LGALS8: variants seen among roughly 807,000 people sequenced by gnomAD.
The protein encoded by LGALS8 is galectin-8.
A neutral mutation model predicts 35.9 loss-of-function variants in LGALS8; 30 were observed. That is an observed-to-expected ratio of 0.83 (90% CI 0.62 to 1.13). LGALS8 has a LOEUF of 1.13. Ranked by LOEUF, LGALS8 falls within the 50% of genes most tolerant of loss-of-function variation. LGALS8 has a pLI of 0.00. For synonymous variants in LGALS8, 138 were observed against 136.1 expected, an observed-to-expected ratio of 1.01 and a Z score of -0.10; for missense variants, 366 against 388.7, an observed-to-expected ratio of 0.94 and a Z score of 0.49.
Position 236,552,133 on chromosome 1 carries a change from A to ATAAAAAG in LGALS8, c.*3975_*3981dup. 2 of 1,443,626 alleles carry ATAAAAAG rather than the reference A, an allele frequency of 1.4e-6. No individual in the cohort carries two copies. The highest frequency in any genetic ancestry group is 2.3e-5 in the South Asian group (2 of 86,988). 89.4% of individuals were successfully genotyped at this position (1,443,626 alleles called of 1,614,324 possible). On this transcript the variant is annotated 3_prime_UTR_variant, in exon 10 of 10. Transcript: ENST00000366584. The stretch of plus-strand genomic sequence containing the variant: ...CTGAAAGGGATAAAAGAGCAAAGAA[A>ATAAAAAG]TAAAAAGTAGTGTTACTGTATTTAT...
rs577977947 is a variant in LGALS8, at chr1:236,539,448, C to T, written c.345+359C>T. Among the ~76,000 whole-genome samples, 7 of 152,282 alleles carry T rather than the reference C, an allele frequency of 4.6e-5. 1 individual carries two copies. The highest frequency in any genetic ancestry group is 1.7e-4 in the African/African-American group (7 of 41,552). ...GAAGAGCTAACAAGGGCAATCCCAGCGAAGAAATCAGAAGGGTTTTGTAAA... is the reference window on the plus strand; with the variant it reads ...GAAGAGCTAACAAGGGCAATCCCAGTGAAGAAATCAGAAGGGTTTTGTAAA... On this transcript the variant is annotated intron_variant, in intron 4 of 9. Transcript: ENST00000366584.
At position 236,552,224 on chromosome 1, in the gene LGALS8, A is replaced by T. The variant is rs1212349271; in HGVS notation, c.*4063A>T. 1.6e-6 allele frequency: 1 copy of T among 623,252 alleles called. No individual in the cohort carries two copies. Among genetic ancestry groups the T allele is most frequent in the Non-Finnish European group, 2.8e-6 (1 of 355,280 alleles). The allele number at this position is 623,252 out of a possible 1,614,324, so 38.6% of individuals were successfully genotyped here. A position where few individuals can be genotyped will look rare whatever the true frequency, so the allele number is the denominator to read the frequency against. ...TTTAAACATTAGTTCACATGCGTTTATTCACTTCATTATGTTCATTAAGCT... is the reference window on the plus strand; with the variant it reads ...TTTAAACATTAGTTCACATGCGTTTTTTCACTTCATTATGTTCATTAAGCT... On this transcript the variant is annotated 3_prime_UTR_variant, in exon 10 of 10. Coordinates refer to ENST00000366584, the MANE Select transcript of LGALS8 (RefSeq NM_201544.4).
Position 236,551,078 on chromosome 1 carries a change from C to T in LGALS8, c.*2917C>T. 2.9e-6 allele frequency: 3 copies of T among 1,040,258 alleles called. No homozygotes were observed. Among genetic ancestry groups the T allele is most frequent in the East Asian group, 2.6e-5 (1 of 38,552 alleles). The allele number at this position is 1,040,258 out of a possible 1,614,324, so 64.4% of individuals were successfully genotyped here. Reference sequence around the variant, plus strand: ...TTAGTTTAATTCTTAATGCCTTGCACTTTCCGGCAATCATTCAATCAAAAG... The same window carrying T: ...TTAGTTTAATTCTTAATGCCTTGCATTTTCCGGCAATCATTCAATCAAAAG... On this transcript the variant is annotated 3_prime_UTR_variant, in exon 10 of 10. Transcript: ENST00000366584.
chr1:236,523,245 T>A (rs1029779895), upstream of LGALS8: 2 of 152,178 alleles, frequency 1.3e-5, no homozygotes, highest in Non-Finnish European at 2.9e-5. Flanking sequence ...AAGTGTCCAA[T>A]TTGGAGAAAA....
chr1:236,546,324 C>T (rs763551952), intron 9 of LGALS8, among the ~76,000 whole-genome samples: 4 of 152,176 alleles, frequency 2.6e-5, no homozygotes, highest in African/African-American at 7.2e-5. Flanking sequence ...TCACTGCTGA[C>T]GATTTTCTAT....
At chr1:236,531,304 T>C (rs1165779655) in intron 2 of LGALS8, among the ~76,000 whole-genome samples, 1 of 152,090 alleles carries the variant, frequency 6.6e-6, no homozygotes, top group African/African-American at 2.4e-5. Context: ...ATCCATTTTC[T>C]TTACTTATTT....
chr1:236,534,539 G>A (rs1445336213), intron 2 of LGALS8, among the ~76,000 whole-genome samples: 1 of 151,598 alleles, frequency 6.6e-6, no homozygotes, highest in Non-Finnish European at 1.5e-5. Context: ...TATGTCCTCC[G>A]TTTTCACAGA....
chr1:236,531,068 A>C (rs890628970), intron 2 of LGALS8, among the ~76,000 whole-genome samples: 2 of 151,874 alleles, frequency 1.3e-5, no homozygotes, highest in Non-Finnish European at 2.9e-5. Flanking sequence ...TTTCTATTTG[A>C]CCTATTTTGG....
chr1:236,540,540 G>A (rs750212307), intron 4 of LGALS8, 24 bp from the exon 5 acceptor site: 2 of 1,503,312 alleles, frequency 1.3e-6, no homozygotes, highest in Non-Finnish European at 1.8e-6. Context: ...GGCGGGGGGG[G>A]CTCTGTCTTC....
chr1:236,541,553 A>C, intron 5 of LGALS8, 101 bp from the exon 6 acceptor site: 1 of 630,878 alleles, frequency 1.6e-6, no homozygotes, highest in East Asian at 3.3e-5. Context: ...TTTCAAGCAT[A>C]TTTTTAGTAC....
chr1:236,530,517 A>ATT (rs949521882), intron 2 of LGALS8, among the ~76,000 whole-genome samples: 4 of 151,528 alleles, frequency 2.6e-5, no homozygotes, highest in African/African-American at 9.7e-5. Flanking sequence ...TCACTCATAG[A>ATT]TTTTTTTTTC....
At chr1:236,543,735 G>A in intron 8 of LGALS8, 87 bp downstream of exon 8, 1 of 929,992 alleles carries the variant, frequency 1.1e-6, no homozygotes, top group South Asian at 1.3e-5. Flanking sequence ...TGAGCTGGAA[G>A]AAGGGCTAGC....
At chr1:236,528,243 G>T (rs936077249) in intron 2 of LGALS8, among the ~76,000 whole-genome samples, 1 of 151,716 alleles carries the variant, frequency 6.6e-6, no homozygotes, top group African/African-American at 2.4e-5. Flanking sequence ...TTAGCCAGGC[G>T]TGATGGCAGC....
At chr1:236,543,180 C>A in intron 7 of LGALS8, 1 of 738,080 alleles carries the variant, frequency 1.4e-6, no homozygotes, top group Non-Finnish European at 2.3e-6. Context: ...ATTCGAGAGT[C>A]AACCAGGCCT....
In LGALS8 at chr1:236,537,561, G is replaced by T. The variant is rs1661622305; in HGVS notation, c.110G>T (p.Gly37Val). 1 of 1,603,388 alleles carries T rather than the reference G, an allele frequency of 6.2e-7. No homozygotes were observed. Among genetic ancestry groups the T allele is most frequent in the Non-Finnish European group, 8.5e-7 (1 of 1,170,048 alleles). The change falls in exon 3 of 10, where the codon GGG becomes GTG. Residue 37 changes from glycine (G) to valine (V), a missense_variant. Transcript: ENST00000366584. ...CCTGGAACTTTGATTGTGATACGTGGGCATGTTCCTAGTGACGCAGACAGG... is the reference window on the plus strand; with the variant it reads ...CCTGGAACTTTGATTGTGATACGTGTGCATGTTCCTAGTGACGCAGACAGG... Reference protein sequence around the residue: ...LDPGTLIVIRGHVPSDADRFQ... With the variant: ...LDPGTLIVIRVHVPSDADRFQ...
chr1:236,548,653 C>G lies in LGALS8; in HGVS notation c.*492C>G, dbSNP rs114614591. 1 of 340,038 alleles carries G rather than the reference C, an allele frequency of 2.9e-6. No individual in the cohort carries two copies. Among genetic ancestry groups the G allele is most frequent in the African/African-American group, 2.1e-5 (1 of 47,626 alleles). The allele number at this position is 340,038 out of a possible 1,614,324, so 21.1% of individuals were successfully genotyped here. ...AAGGGGTCCTCTGGGATTAGTTATG[C>G]AGATATTAAATCACCCGAAGACACT... is the stretch of plus-strand genomic sequence containing the variant. On this transcript the variant is annotated 3_prime_UTR_variant, in exon 10 of 10. Coordinates refer to ENST00000366584, the MANE Select transcript of LGALS8 (RefSeq NM_201544.4).
chr1:236,533,634 C>T lies in LGALS8; in HGVS notation c.46-3863C>T, dbSNP rs538543015. On this transcript the variant is annotated intron_variant, in intron 2 of 9. Transcript: ENST00000366584. ...CAGGTGTTAGCCACTGCGCCTGACC[C>T]CCATTTTTTTTTTTTTTAAAGATGT... 3.1e-5 allele frequency among the ~76,000 whole-genome samples: 4 copies of T among 127,034 alleles called. No homozygotes were observed. The East Asian group carries it at 1.0e-3, about 32-fold the overall frequency. The allele number at this position is 127,034 out of a possible 152,430, so 83.3% of individuals were successfully genotyped here.
upstream of LGALS8, among the ~76,000 whole-genome samples, chr1:236,519,968 T>A (rs1200202182): frequency 6.7e-6 from 1 of 149,496 alleles, no homozygotes; most frequent in Admixed American, 6.7e-5. Context: ...TTTTTTTTTT[T>A]TTTTTTTAGA....
intron 6 of LGALS8, 54 bp downstream of exon 6, chr1:236,541,764 C>T (rs937101333): frequency 3.3e-6 from 3 of 909,170 alleles, no homozygotes; most frequent in South Asian, 1.8e-5. Context: ...GTTTTAGCTG[C>T]CATGTTAATG....
Sources: gnomAD v4.1 joint callset for allele counts (sites outside exome capture counted in the v4.1 genomes callset) on GRCh38, gnomAD v4.1.1 for gene constraint, MANE v1.5 for transcripts, NCBI Gene and HGNC (gene_info 2026-07-23, HGNC 2026-07-21) for gene names.